The following SDCBP variants were observed in gnomAD, a reference collection of about 807,000 sequenced individuals.
The protein encoded by SDCBP is syndecan binding protein, also known as syntenin-1.
SDCBP carries 22 observed loss-of-function variants against 30.5 expected under a neutral mutation model. That is an observed-to-expected ratio of 0.72 (90% confidence interval 0.52 to 1.03). The LOEUF is 1.03. SDCBP is among the 50% of genes least tolerant of loss of function. SDCBP has a pLI of 0.00. For missense variants in SDCBP, 304 were observed against 369.9 expected (o/e 0.82, Z 1.46); for synonymous variants, 103 against 118.7 (o/e 0.87, Z 0.86).
intron 2 of SDCBP, among the ~76,000 whole-genome samples, chr8:58,567,131 C>CT (rs1178381451): frequency 1.3e-5 from 2 of 152,136 alleles, no homozygotes; most frequent in Admixed American, 6.6e-5. Context: ...ACCCCAACCC[C>CT]TTTTTTTAGT....
At chr8:58,580,479 C>T (rs1241678982) in intron 7 of SDCBP, 38 bp from the exon 8 acceptor site, 1 of 981,300 alleles carries the variant, frequency 1.0e-6, no homozygotes. Context: ...TTAAATAAAG[C>T]CTCTGTGGAA....
At chr8:58,553,804 AAGG>A (rs1218609861) in intron 1 of SDCBP, among the ~76,000 whole-genome samples, 2 of 152,210 alleles carry the variant, frequency 1.3e-5, no homozygotes, top group Non-Finnish European at 2.9e-5. Context: ...CTGGATTTGA[AAGG>A]AGGAAGGAAG....
chr8:58,579,858 AT>A, intron 7 of SDCBP, 64 bp downstream of exon 7: 1 of 1,446,774 alleles, frequency 6.9e-7, no homozygotes. Context: ...TTTTGACTGT[AT>A]TTAGGTGGCG....
At chr8:58,574,543 G>A (rs1805215275) in intron 4 of SDCBP, among the ~76,000 whole-genome samples, 4 of 151,840 alleles carry the variant, frequency 2.6e-5, no homozygotes, top group Non-Finnish European at 5.9e-5. Context: ...GCATCTCCAG[G>A]GTTCTTCAGT....
Position 58,578,127 on chromosome 8 carries a change from G to A in SDCBP, c.497G>A (p.Cys166Tyr). 1 of 1,613,372 alleles carries A rather than the reference G, an allele frequency of 6.2e-7. No individual in the cohort carries two copies. Among genetic ancestry groups the A allele is most frequent in the Non-Finnish European group, 8.5e-7 (1 of 1,179,650 alleles). Residue 166 changes from cysteine (C) to tyrosine (Y), a missense_variant, in exon 6 of 9, where the codon TGT becomes TAT. Cys to Tyr is a radical substitution (Grantham distance 194). Coordinates refer to ENST00000260130, the MANE Select transcript of SDCBP (RefSeq NM_005625.4). ...DQVLQINGEN[C>Y]AGWSSDKAHK... ...GTACTTCAGATCAATGGTGAAAACT[G>A]TGCAGGATGGAGCTCTGATAAAGCG...
chr8:58,560,262 G>C (rs1375165850), intron 1 of SDCBP: 1 of 152,448 alleles, frequency 6.6e-6, no homozygotes, highest in Non-Finnish European at 1.5e-5. Context: ...TTGGAAAGCT[G>C]ACAGGGGCTG....
intron 1 of SDCBP, among the ~76,000 whole-genome samples, chr8:58,557,142 C>T (rs1358320467): frequency 4.0e-5 from 4 of 99,398 alleles, no homozygotes; most frequent in African/African-American, 2.0e-4. Context: ...ATATTATATA[C>T]AATATTATAA....
chr8:58,571,973 GGTT>G (rs1383285500), intron 3 of SDCBP, among the ~76,000 whole-genome samples: 9 of 152,094 alleles, frequency 5.9e-5, no homozygotes, highest in Non-Finnish European at 7.4e-5. Context: ...AGGAATCTCT[GGTT>G]GTTTCAGTTC....
intron 2 of SDCBP, among the ~76,000 whole-genome samples, chr8:58,567,587 T>C (rs1336417592): frequency 6.6e-6 from 1 of 152,190 alleles, no homozygotes; most frequent in Non-Finnish European, 1.5e-5. Context: ...TTTTGACAAA[T>C]GTATAGTGAC....
intron 1 of SDCBP, among the ~76,000 whole-genome samples, chr8:58,563,189 T>A (rs1349054676): frequency 6.6e-6 from 1 of 152,174 alleles, no homozygotes; most frequent in Admixed American, 6.5e-5. Flanking sequence ...AACCCAAATG[T>A]CATCAGCTGA....
At chr8:58,565,814 C>T (rs1804678164) in intron 2 of SDCBP, among the ~76,000 whole-genome samples, 1 of 152,046 alleles carries the variant, frequency 6.6e-6, no homozygotes, top group African/African-American at 2.4e-5. Context: ...TTACGGTTAG[C>T]TTTCAACTTG....
rs763247744 is a variant in SDCBP at position 58,578,126 on chromosome 8, T to C, written c.496T>C (p.Cys166Arg). Residue 166 changes from cysteine to arginine, a missense_variant, in exon 6 of 9, where the codon TGT becomes CGT. Physicochemically the swap from Cys to Arg is radical, Grantham distance 180. Transcript: ENST00000260130. ...DQVLQINGEN[C>R]AGWSSDKAHK... ...AGTACTTCAGATCAATGGTGAAAAC[T>C]GTGCAGGATGGAGCTCTGATAAAGC... The C allele has an allele frequency of 6.2e-7, 1 of 1,613,460 alleles. No individual in the cohort carries two copies. The highest frequency in any genetic ancestry group is 1.1e-5 in the South Asian group (1 of 90,994).
At chr8:58,567,180 CATTTA>C (rs1447521783) in intron 2 of SDCBP, among the ~76,000 whole-genome samples, 1 of 152,146 alleles carries the variant, frequency 6.6e-6, no homozygotes, top group Non-Finnish European at 1.5e-5. Flanking sequence ...TAAGTAGCTA[CATTTA>C]ATGGTTTACA....
Position 58,579,741 on chromosome 8 carries a change from C to T in SDCBP, c.697C>T (p.Leu233Phe). The T allele has an allele frequency of 1.2e-6, 2 of 1,612,822 alleles. No individual in the cohort carries two copies. Among genetic ancestry groups the T allele is most frequent in the South Asian group, 2.2e-5 (2 of 90,880 alleles). Residue 233 changes from leucine to phenylalanine, a missense_variant, in exon 7 of 9, where the codon CTC becomes TTC. Coordinates refer to ENST00000260130, the MANE Select transcript of SDCBP (RefSeq NM_005625.4). ...KDSSAARNGL[L>F]TEHNICEING... ...TAGCTCTGCAGCCAGAAATGGTCTTCTCACGGAACATAACATCTGTGAAAT... is the reference window on the plus strand; with the variant it reads ...TAGCTCTGCAGCCAGAAATGGTCTTTTCACGGAACATAACATCTGTGAAAT...
chr8:58,579,543 G>A, intron 6 of SDCBP, 80 bp from the exon 7 acceptor site: 1 of 1,065,354 alleles, frequency 9.4e-7, no homozygotes, highest in Non-Finnish European at 1.3e-6. Flanking sequence ...TATCCAATAT[G>A]GCAACATTTA....
chr8:58,565,759 T>A (rs1391386516), intron 2 of SDCBP, among the ~76,000 whole-genome samples: 2 of 152,148 alleles, frequency 1.3e-5, no homozygotes, highest in Non-Finnish European at 2.9e-5. Context: ...AAATTTTTGG[T>A]AATTATTTTA....
At chr8:58,573,073 G>T (rs1221757669) in intron 4 of SDCBP, among the ~76,000 whole-genome samples, 4 of 152,204 alleles carry the variant, frequency 2.6e-5, no homozygotes, top group Non-Finnish European at 5.9e-5. Flanking sequence ...CTCCCAGAGT[G>T]CTGGGATTAC....
At position 58,581,768 on chromosome 8, in the gene SDCBP, G is replaced by T. The variant is rs371949686; in HGVS notation, c.*28G>T. ...TTCACGGCACCATGGAAATGTAGCTGAACGTCTCCAGTTTCCTTCTTTGGC... is the reference window on the plus strand; with the variant it reads ...TTCACGGCACCATGGAAATGTAGCTTAACGTCTCCAGTTTCCTTCTTTGGC... On this transcript the variant is annotated 3_prime_UTR_variant, in exon 9 of 9. Coordinates refer to ENST00000260130, the MANE Select transcript of SDCBP (RefSeq NM_005625.4). 60 of 1,599,362 alleles carry T rather than the reference G, an allele frequency of 3.8e-5. No homozygotes were observed. The highest frequency in any genetic ancestry group is 8.8e-5 in the South Asian group (8 of 90,744).
chr8:58,571,075 G>A, intron 3 of SDCBP, 110 bp downstream of exon 3: 1 of 711,832 alleles, frequency 1.4e-6, no homozygotes, highest in Non-Finnish European at 2.4e-6. Context: ...AAAATTGGTA[G>A]TTAAGCTCAA....
Sources: allele counts gnomAD v4.1 joint callset (sites outside exome capture counted in the v4.1 genomes callset), GRCh38; gene constraint gnomAD v4.1.1; transcripts MANE v1.5; gene names NCBI Gene and HGNC (gene_info 2026-07-23, HGNC 2026-07-21).